The following PLB1 variants were observed in gnomAD, a reference collection of about 807,000 sequenced individuals.
PLB1 encodes the protein phospholipase B1, membrane-associated.
Under a neutral mutation model 227.4 loss-of-function variants are expected in PLB1, and 242 were observed. The observed-to-expected ratio is 1.06, with a 90% CI of 0.96 to 1.18. The LOEUF is 1.18. Ranked by LOEUF, PLB1 falls within the 50% of genes most tolerant of loss-of-function variation. The probability of loss-of-function intolerance (pLI) is 0.00; values close to 1 mark genes in which losing one functional copy is unlikely to be tolerated. For synonymous variants in PLB1, 757 were observed against 682.2 expected (o/e 1.11, Z -1.71); for missense variants, 1,858 against 1,816.3 (o/e 1.02, Z -0.42).
chr2:28,616,526 T>C (rs548623894), intron 44 of PLB1, among the ~76,000 whole-genome samples: 1 of 152,382 alleles, frequency 6.6e-6, no homozygotes, highest in South Asian at 2.1e-4. Flanking sequence ...TTGGGTGTGG[T>C]GCATGGTTCT....
intron 37 of PLB1, among the ~76,000 whole-genome samples, chr2:28,601,664 T>G (rs1384102372): frequency 6.6e-6 from 1 of 152,208 alleles, no homozygotes; most frequent in Non-Finnish European, 1.5e-5. Context: ...GTCTCCACTT[T>G]CTGCTCCTGA....
intron 14 of PLB1, among the ~76,000 whole-genome samples, chr2:28,544,133 T>C (rs1249951252): frequency 6.6e-6 from 1 of 152,196 alleles, no homozygotes; most frequent in Non-Finnish European, 1.5e-5. Context: ...CATGAGCCAG[T>C]GTGAAACAGA....
Position 28,605,836 on chromosome 2 carries a change from A to G in PLB1, c.2962-17A>G, listed in dbSNP as rs779135581. On this transcript the variant is annotated splice_polypyrimidine_tract_variant and intron_variant, in intron 41 of 57. Transcript: ENST00000327757. ...TGAACCAATAGGATCTTGAGGGGGT[A>G]TATTGGTCTCTTTCAGGATGGGCTC... The G allele has an allele frequency of 2.5e-6, 4 of 1,587,958 alleles. No homozygotes were observed. The highest frequency in any genetic ancestry group is 3.5e-6 in the Non-Finnish European group (4 of 1,156,366).
At chr2:28,514,799 C>T (rs763967253) in intron 1 of PLB1, among the ~76,000 whole-genome samples, 5 of 152,108 alleles carry the variant, frequency 3.3e-5, no homozygotes, top group African/African-American at 7.2e-5. Flanking sequence ...TTTTCAAAGC[C>T]CACCATCACC....
In PLB1 at chr2:28,518,478, T is replaced by C; in HGVS notation, c.130T>C (p.Ser44Pro). ...GQLWPETLKN[S>P]PFPCNPNKLG... ...TTTTCAATTGCAGACCCTGAAGAAT[T>C]CTCCATTCCCATGCAACCCAAATAA... is the stretch of plus-strand genomic sequence containing the variant. The change falls in exon 3 of 58, where the codon TCT becomes CCT. Residue 44 changes from serine to proline, a missense_variant. Coordinates refer to ENST00000327757, the MANE Select transcript of PLB1 (RefSeq NM_153021.5). 1 of 1,612,336 alleles carries C rather than the reference T, an allele frequency of 6.2e-7. No individual in the cohort carries two copies. The highest frequency in any genetic ancestry group is 1.1e-5 in the South Asian group (1 of 91,032).
At chr2:28,561,081 G>A (rs1405845280) in intron 17 of PLB1, among the ~76,000 whole-genome samples, 1 of 152,218 alleles carries the variant, frequency 6.6e-6, no homozygotes, top group Non-Finnish European at 1.5e-5. Context: ...CCCCCCAGGG[G>A]AAGATCATCC....
chr2:28,595,137 C>A (rs1682693558), intron 33 of PLB1: 1 of 152,180 alleles, frequency 6.6e-6, no homozygotes, highest in Admixed American at 6.5e-5. Context: ...AACCAGCAGT[C>A]CTCTACTAAA....
chr2:28,574,630 C>T (rs1263682101), intron 21 of PLB1, among the ~76,000 whole-genome samples: 3 of 149,804 alleles, frequency 2.0e-5, no homozygotes, highest in African/African-American at 7.4e-5. Context: ...CTCCTGACCT[C>T]AAGTAATCTG....
chr2:28,613,945 A>G (rs1287717544), intron 43 of PLB1, 86 bp from the exon 44 acceptor site: 1 of 1,050,004 alleles, frequency 9.5e-7, no homozygotes, highest in African/African-American at 1.6e-5. Context: ...AAATAAATCT[A>G]CAGGGCAGGA....
In PLB1 at chr2:28,589,170, A is replaced by G. The variant is rs59936331; in HGVS notation, c.1816-280A>G. On this transcript the variant is annotated intron_variant, in intron 26 of 57. Coordinates refer to ENST00000327757, the MANE Select transcript of PLB1 (RefSeq NM_153021.5). ...ACAGAGTGAGACTCTGTCCCCCCAA[A>G]AAAAAAAGGTCAAGCTGATAGACTT... 7.2e-3 allele frequency among the ~76,000 whole-genome samples: 1,095 copies of G among 151,806 alleles called. 8 individuals are homozygous for G. Among genetic ancestry groups the G allele is most frequent in the African/African-American group, 0.025 (1,029 of 41,466 alleles).
chr2:28,536,921 A>G (rs1203793793), intron 9 of PLB1, among the ~76,000 whole-genome samples: 1 of 151,800 alleles, frequency 6.6e-6, no homozygotes, highest in Non-Finnish European at 1.5e-5. Context: ...CAAGATTCAC[A>G]CTCTAGAGAG....
chr2:28,548,413 C>A, intron 14 of PLB1: 1 of 331,062 alleles, frequency 3.0e-6, no homozygotes, highest in Non-Finnish European at 6.6e-6. Flanking sequence ...AGAAGCCAAG[C>A]TGGATAACCG....
At chr2:28,570,958 A>G (rs917822520) in intron 20 of PLB1, among the ~76,000 whole-genome samples, 4 of 152,192 alleles carry the variant, frequency 2.6e-5, no homozygotes, top group Non-Finnish European at 5.9e-5. Flanking sequence ...TGCTCTTGCC[A>G]CTTTTATTCA....
intron 26 of PLB1, among the ~76,000 whole-genome samples, chr2:28,587,069 C>T (rs1681020810): frequency 6.6e-6 from 1 of 152,210 alleles, no homozygotes; most frequent in Non-Finnish European, 1.5e-5. Context: ...CTGCTGTGAG[C>T]AGGCACCTGT....
At position 28,527,178 on chromosome 2, in the gene PLB1, A is replaced by T. The variant is rs1003041248; in HGVS notation, c.325+1233A>T. Among the ~76,000 whole-genome samples the T allele has an allele frequency of 6.6e-5, 10 of 152,272 alleles. 1 individual carries two copies. In the South Asian group the frequency reaches 2.1e-3, roughly 32 times the overall value. On this transcript the variant is annotated intron_variant, in intron 6 of 57. Transcript: ENST00000327757. ...CAGATGCCTCTTTGCCTAATTTCTC[A>T]GTTCGTCTCAATTTTTCCTCCCAAT...
chr2:28,593,713 C>G lies in PLB1; in HGVS notation c.2280C>G (p.Asp760Glu). ...AGNGIGSKPDDLPDVTTQYRG... is the reference protein window; with the variant it reads ...AGNGIGSKPDELPDVTTQYRG... ...ATGGAATTGGCTCCAAACCAGACGA[C>G]CTCCCCGATGTCACCACACAGTATC... The change falls in exon 33 of 58, where the codon GAC becomes GAG. Residue 760 changes from aspartate (D) to glutamate (E), a missense_variant. By Grantham distance (45) the Asp-to-Glu change is conservative (BLOSUM62 2). Transcript: ENST00000327757. The G allele has an allele frequency of 6.2e-7, 1 of 1,614,132 alleles. No individual in the cohort carries two copies. Among genetic ancestry groups the G allele is most frequent in the South Asian group, 1.1e-5 (1 of 91,064 alleles).
At chr2:28,612,956 G>T (rs1467164080) in intron 43 of PLB1, among the ~76,000 whole-genome samples, 1 of 150,704 alleles carries the variant, frequency 6.6e-6, no homozygotes, top group African/African-American at 2.4e-5. Flanking sequence ...GTCTCACTCT[G>T]TTGCCCAGGC....
chr2:28,554,628 C>G (rs772222920), intron 17 of PLB1, among the ~76,000 whole-genome samples: 1 of 151,218 alleles, frequency 6.6e-6, no homozygotes, highest in Non-Finnish European at 1.5e-5. Flanking sequence ...CTAGAGAGAA[C>G]ATCTGAAAGT....
At chr2:28,537,766 G>C (rs1383544826) in intron 9 of PLB1, among the ~76,000 whole-genome samples, 1 of 151,730 alleles carries the variant, frequency 6.6e-6, no homozygotes, top group Non-Finnish European at 1.5e-5. Context: ...TGTTGGGTGC[G>C]TGGGAGATGT....
Sources: allele counts gnomAD v4.1 joint callset (sites outside exome capture counted in the v4.1 genomes callset), GRCh38; gene constraint gnomAD v4.1.1; transcripts MANE v1.5; gene names NCBI Gene and HGNC (gene_info 2026-07-23, HGNC 2026-07-21).